RNF10: variants seen among roughly 807,000 people sequenced by gnomAD.
RNF10 encodes E3 ubiquitin-protein ligase RNF10.
In RNF10, 38 loss-of-function variants were observed where a neutral mutation model predicts 91.4. The ratio of observed to expected loss-of-function variants is 0.42; its 90% CI spans 0.32 to 0.54. RNF10 has a LOEUF of 0.54. Among genes scored for constraint, RNF10 ranks in the 20% least tolerant of loss-of-function variants. The pLI, the probability that RNF10 is intolerant of heterozygous loss-of-function variation, is 0.16. For synonymous variants in RNF10, 364 were observed against 366.3 expected, an observed-to-expected ratio of 0.99 and a Z score of 0.07; for missense variants, 945 against 1,012.0, an observed-to-expected ratio of 0.93 and a Z score of 0.90.
intron 6 of RNF10, among the ~76,000 whole-genome samples, 177 bp from the exon 7 acceptor site, chr12:120,560,549 C>T (rs1351576153): frequency 6.6e-6 from 1 of 152,150 alleles, no homozygotes; most frequent in Admixed American, 6.5e-5. Flanking sequence ...TTTCTTATAT[C>T]AAGAGCAGAG....
Position 120,560,978 on chromosome 12 carries a change from G to T in RNF10, c.1128+92G>T, listed in dbSNP as rs1038944219. ...ATGCTAAACCTTTTCACTCTGTCGGGGGTGAGATGATGGACGCTGGGGATT... is the reference window on the plus strand; with the variant it reads ...ATGCTAAACCTTTTCACTCTGTCGGTGGTGAGATGATGGACGCTGGGGATT... On this transcript the variant is annotated intron_variant, in intron 7 of 16. Coordinates refer to ENST00000325954, the MANE Select transcript of RNF10 (RefSeq NM_014868.5). 5.4e-6 allele frequency: 7 copies of T among 1,299,652 alleles called. No individual in the cohort carries two copies. In the South Asian group the frequency reaches 9.6e-5, roughly 18 times the overall value. The allele number at this position is 1,299,652 out of a possible 1,614,324, so 80.5% of individuals were successfully genotyped here. A position where few individuals can be genotyped will look rare whatever the true frequency, so the allele number is the denominator to read the frequency against.
At chr12:120,550,907 G>A (rs779047386) in intron 2 of RNF10, among the ~76,000 whole-genome samples, 15 of 152,132 alleles carry the variant, frequency 9.9e-5, no homozygotes, top group Non-Finnish European at 1.6e-4. Flanking sequence ...AGAATGCGGC[G>A]TTATTTTTAA....
At chr12:120,574,239 C>T (rs1246192270) in intron 14 of RNF10, among the ~76,000 whole-genome samples, 1 of 152,254 alleles carries the variant, frequency 6.6e-6, no homozygotes. Flanking sequence ...GAGTAATAGG[C>T]ATTCCTCACT....
chr12:120,567,121 C>A, intron 13 of RNF10, 141 bp downstream of exon 13: 1 of 739,582 alleles, frequency 1.4e-6, no homozygotes, highest in Non-Finnish European at 2.1e-6. Flanking sequence ...TGAGGTACAT[C>A]AAATTCTTTT....
intron 3 of RNF10, 119 bp from the exon 4 acceptor site, chr12:120,554,599 A>G: frequency 1.3e-6 from 1 of 779,856 alleles, no homozygotes; most frequent in East Asian, 2.6e-5. Flanking sequence ...GCAGTGCCTC[A>G]TGAACCAGGG....
intron 14 of RNF10, among the ~76,000 whole-genome samples, chr12:120,573,526 G>A (rs1385923243): frequency 6.6e-6 from 1 of 151,668 alleles, no homozygotes; most frequent in Non-Finnish European, 1.5e-5. Context: ...AAACTATTTG[G>A]ATACTGTCTC....
intron 13 of RNF10, among the ~76,000 whole-genome samples, chr12:120,567,256 A>G (rs571946868): frequency 1.9e-4 from 28 of 151,110 alleles, no homozygotes; most frequent in African/African-American, 6.8e-4. Context: ...TTTTGTTTCT[A>G]GTTTTTGTTT....
chr12:120,552,298 G>A (rs1873222430), intron 2 of RNF10, among the ~76,000 whole-genome samples: 1 of 151,814 alleles, frequency 6.6e-6, no homozygotes, highest in Non-Finnish European at 1.5e-5. Context: ...TACTCAGGAG[G>A]CTGAGGCAGG....
At chr12:120,576,509 T>C (rs1877413175) in intron 16 of RNF10, 81 bp from the exon 17 acceptor site, 1 of 1,541,438 alleles carries the variant, frequency 6.5e-7, no homozygotes, top group African/African-American at 1.4e-5. Flanking sequence ...GCTCCCACTC[T>C]GTGACTCTCA....
chr12:120,547,377 G>T (rs1872490511), intron 2 of RNF10, among the ~76,000 whole-genome samples: 1 of 152,116 alleles, frequency 6.6e-6, no homozygotes, highest in African/African-American at 2.4e-5. Flanking sequence ...CTGCAGCCTT[G>T]ACCTCCTGGG....
intron 13 of RNF10, among the ~76,000 whole-genome samples, chr12:120,569,150 G>C (rs1014702437): frequency 1.3e-5 from 2 of 151,902 alleles, no homozygotes; most frequent in African/African-American, 4.8e-5. Flanking sequence ...TGTATTTTTA[G>C]TAGAGACAGG....
In RNF10 at chr12:120,562,267, CTTTCTTTT is replaced by C. The variant is rs1442604146; in HGVS notation, c.1129-674_1129-667del. Among the ~76,000 whole-genome samples, 44 of 102,220 alleles carry C rather than the reference CTTTCTTTT, an allele frequency of 4.3e-4. 2 individuals carry two copies. In the East Asian group the frequency reaches 9.2e-3, roughly 21 times the overall value. The allele number at this position is 102,220 out of a possible 152,430, so 67.1% of individuals were successfully genotyped here. On this transcript the variant is annotated intron_variant, in intron 7 of 16. Transcript: ENST00000325954. ...CGATATTTGGTTTTTCTTTTTCTTT[CTTTCTTTT>C]TTTTTTTTTTTTTTTTGAGACAGAG...
chr12:120,535,191 G>T lies in RNF10; in HGVS notation c.157+223G>T, dbSNP rs117319218. 7.4e-4 allele frequency among the ~76,000 whole-genome samples: 113 copies of T among 152,348 alleles called. 1 individual carries two copies. The East Asian group carries it at 0.018, about 25-fold the overall frequency. On this transcript the variant is annotated intron_variant, in intron 1 of 16. Transcript: ENST00000325954. ...TACTCAAAACTGCTCGATTAAGCAG[G>T]TGCTGTTCTTATCGCCATTTTGCAT...
chr12:120,570,789 A>G (rs1362722001), intron 13 of RNF10, among the ~76,000 whole-genome samples: 2 of 152,234 alleles, frequency 1.3e-5, no homozygotes, highest in Admixed American at 6.5e-5. Context: ...TCGGGAATGT[A>G]AAAGCTGAGC....
At position 120,557,798 on chromosome 12, in the gene RNF10, A is replaced by G. The variant is rs1874259456; in HGVS notation, c.967+116A>G. Reference sequence around the variant, plus strand: ...GGCAGGGCACATCTGGCATGTTCATATTAGTCATAGGATTCCAGTAGGTTA... The same window carrying G: ...GGCAGGGCACATCTGGCATGTTCATGTTAGTCATAGGATTCCAGTAGGTTA... On this transcript the variant is annotated intron_variant, in intron 6 of 16. Transcript: ENST00000325954. The G allele has an allele frequency of 9.7e-6, 11 of 1,129,806 alleles. 1 individual carries two copies. The highest frequency in any genetic ancestry group is 7.1e-5 in the South Asian group (5 of 70,676). The allele number at this position is 1,129,806 out of a possible 1,614,324, so 70.0% of individuals were successfully genotyped here.
At chr12:120,551,842 T>C (rs1449180293) in intron 2 of RNF10, among the ~76,000 whole-genome samples, 1 of 152,010 alleles carries the variant, frequency 6.6e-6, no homozygotes, top group African/African-American at 2.4e-5. Context: ...CTCATTGCTA[T>C]TAAGAACTAC....
At chr12:120,554,603 A>G (rs950566926) in intron 3 of RNF10, 115 bp from the exon 4 acceptor site, 24 of 802,766 alleles carry the variant, frequency 3.0e-5, no homozygotes, top group Middle Eastern at 2.3e-4. Context: ...TGCCTCATGA[A>G]CCAGGGCTGC....
chr12:120,541,461 G>A (rs1871556032), intron 1 of RNF10, among the ~76,000 whole-genome samples: 1 of 148,824 alleles, frequency 6.7e-6, no homozygotes, highest in African/African-American at 2.5e-5. Context: ...TTGAGACGGA[G>A]TCTCACTCTG....
At chr12:120,572,494 G>GGAGGT (rs1330149315) in intron 14 of RNF10, among the ~76,000 whole-genome samples, 2 of 152,196 alleles carry the variant, frequency 1.3e-5, no homozygotes, top group Non-Finnish European at 2.9e-5. Context: ...AAATAATTGT[G>GGAGGT]GAGGTGAGGT....
Sources: gnomAD v4.1 joint callset for allele counts (sites outside exome capture counted in the v4.1 genomes callset) on GRCh38, gnomAD v4.1.1 for gene constraint, MANE v1.5 for transcripts, NCBI Gene and HGNC (gene_info 2026-07-23, HGNC 2026-07-21) for gene names.